Variants in SYT10 observed in about 807,000 individuals in gnomAD.
SYT10 encodes synaptotagmin 10.
SYT10 carries 31 observed loss-of-function variants against 51.1 expected under a neutral mutation model. That is an observed-to-expected ratio of 0.61 (90% CI 0.46 to 0.82). The LOEUF (loss-of-function observed/expected upper bound fraction) is 0.82, where lower values mean the gene tolerates loss of function less well. Among genes scored for constraint, SYT10 ranks in the 40% least tolerant of loss-of-function variants. The probability of loss-of-function intolerance (pLI) is 0.00; values close to 1 mark genes in which losing one functional copy is unlikely to be tolerated. For synonymous variants in SYT10, 233 were observed against 225.9 expected (o/e 1.03, Z -0.28); for missense variants, 603 against 634.0 (o/e 0.95, Z 0.53).
chr12:33,436,392 A>G (rs76431379), intron 1 of SYT10, among the ~76,000 whole-genome samples: 3,162 of 152,262 alleles, frequency 0.021, 136 homozygotes, highest in African/African-American at 0.073. Context: ...TGATATTCTA[A>G]AAAGTGCACG....
intron 1 of SYT10, among the ~76,000 whole-genome samples, chr12:33,436,080 T>C (rs1866635505): frequency 6.6e-6 from 1 of 152,296 alleles, no homozygotes; most frequent in Non-Finnish European, 1.5e-5. Context: ...TGAGCTTAAG[T>C]GGGATTGATT....
intron 1 of SYT10, among the ~76,000 whole-genome samples, chr12:33,430,882 T>C (rs1028142119): frequency 6.6e-6 from 1 of 152,170 alleles, no homozygotes; most frequent in African/African-American, 2.4e-5. Context: ...ACTATTCATC[T>C]GATATTACCA....
At chr12:33,390,167 T>G (rs1205716022) in intron 3 of SYT10, among the ~76,000 whole-genome samples, 1 of 152,194 alleles carries the variant, frequency 6.6e-6, no homozygotes, top group African/African-American at 2.4e-5. Flanking sequence ...CGGAGCCTCC[T>G]TGAAAAGACC....
At chr12:33,435,361 G>C (rs1370015843) in intron 1 of SYT10, among the ~76,000 whole-genome samples, 1 of 152,190 alleles carries the variant, frequency 6.6e-6, no homozygotes, top group Non-Finnish European at 1.5e-5. Flanking sequence ...TCTTGGCTTT[G>C]AAGATAGGTC....
chr12:33,433,912 T>C (rs1866617050), intron 1 of SYT10, among the ~76,000 whole-genome samples: 1 of 152,202 alleles, frequency 6.6e-6, no homozygotes, highest in Admixed American at 6.5e-5. Flanking sequence ...TAAGAAGCCC[T>C]GGTTTCTTAG....
At chr12:33,395,888 T>C (rs2138401609) in intron 3 of SYT10, among the ~76,000 whole-genome samples, 1 of 152,258 alleles carries the variant, frequency 6.6e-6, no homozygotes, top group South Asian at 2.1e-4. Context: ...CCTTTCTCTT[T>C]AGTATATTTC....
Position 33,406,993 on chromosome 12 carries a change from A to T in SYT10, c.873T>A (p.Thr291=). 1.2e-6 allele frequency: 2 copies of T among 1,614,172 alleles called. No homozygotes were observed. Among genetic ancestry groups the T allele is most frequent in the South Asian group, 2.2e-5 (2 of 91,082 alleles). ...KKFQTRVHRK[T]LNPLFDETFQ... is the part of the protein sequence containing the mutation. ...AAGTTTCATCAAATAGAGGATTTAA[A>T]GTCTTTCTGTGCACGCGGGTCTGAA... Residue 291 remains threonine, a synonymous_variant, in exon 3 of 7, where the codon ACT becomes ACA. Transcript: ENST00000228567.
chr12:33,424,120 CAATCTAA>C, intron 2 of SYT10: 2 of 364,278 alleles, frequency 5.5e-6, no homozygotes, highest in South Asian at 4.1e-5. Flanking sequence ...CAGATATATA[CAATCTAA>C]CTTTTATGAT....
intron 3 of SYT10, among the ~76,000 whole-genome samples, chr12:33,395,560 AAT>A (rs1866248957): frequency 6.6e-6 from 1 of 152,228 alleles, no homozygotes; most frequent in African/African-American, 2.4e-5. Context: ...CTGATAGAAT[AAT>A]AACCCAAATA....
chr12:33,424,736 A>C (rs1197202744), intron 2 of SYT10, among the ~76,000 whole-genome samples: 1 of 148,324 alleles, frequency 6.7e-6, no homozygotes, highest in South Asian at 2.1e-4. Flanking sequence ...ATAAATATAT[A>C]TAATTCAATA....
At chr12:33,382,053 T>G (rs535035451) in intron 5 of SYT10, among the ~76,000 whole-genome samples, 10 of 152,324 alleles carry the variant, frequency 6.6e-5, no homozygotes, top group African/African-American at 2.4e-4. Flanking sequence ...CTGTTGATTG[T>G]AATCTCTGTT....
chr12:33,398,348 C>T (rs1866274822), intron 3 of SYT10, among the ~76,000 whole-genome samples: 3 of 151,860 alleles, frequency 2.0e-5, no homozygotes, highest in South Asian at 4.2e-4. Flanking sequence ...CCCATCTCTA[C>T]TAAAAATACA....
At chr12:33,437,165 G>T (rs866790669) in intron 1 of SYT10, among the ~76,000 whole-genome samples, 33 of 152,138 alleles carry the variant, frequency 2.2e-4, no homozygotes, top group African/African-American at 7.0e-4. Context: ...AATGAAAAAC[G>T]TATAGCAATC....
At chr12:33,414,115 A>G (rs1305698692) in intron 2 of SYT10, among the ~76,000 whole-genome samples, 10 of 152,210 alleles carry the variant, frequency 6.6e-5, no homozygotes. Context: ...AAAGGGATCA[A>G]TTCAACAAGA....
At chr12:33,400,219 A>C (rs1483931304) in intron 3 of SYT10, among the ~76,000 whole-genome samples, 2 of 152,246 alleles carry the variant, frequency 1.3e-5, no homozygotes, top group African/African-American at 2.4e-5. Context: ...TAAATGGGAA[A>C]AATATATAGT....
At chr12:33,430,189 T>C (rs1466136091) in intron 1 of SYT10, among the ~76,000 whole-genome samples, 1 of 152,356 alleles carries the variant, frequency 6.6e-6, no homozygotes, top group South Asian at 2.1e-4. Flanking sequence ...ACTGTCTATA[T>C]GTCTGTCGGT....
At chr12:33,415,333 C>A (rs530010173) in intron 2 of SYT10, among the ~76,000 whole-genome samples, 68 of 152,154 alleles carry the variant, frequency 4.5e-4, no homozygotes, top group Admixed American at 7.9e-4. Flanking sequence ...AGTACATATG[C>A]CATAATGGTT....
At chr12:33,408,472 T>C in intron 2 of SYT10, among the ~76,000 whole-genome samples, 1 of 152,238 alleles carries the variant, frequency 6.6e-6, no homozygotes, top group South Asian at 2.1e-4. Flanking sequence ...GTCTTCTACA[T>C]GTGACTTGCA....
intron 1 of SYT10, among the ~76,000 whole-genome samples, chr12:33,433,837 C>T (rs573722630): frequency 2.0e-5 from 3 of 152,200 alleles, no homozygotes; most frequent in East Asian, 1.9e-4. Flanking sequence ...TGCCCTTCAG[C>T]GCCAAGGACG....
Sources: gnomAD v4.1 joint callset for allele counts (sites outside exome capture counted in the v4.1 genomes callset) on GRCh38, gnomAD v4.1.1 for gene constraint, MANE v1.5 for transcripts, NCBI Gene and HGNC (gene_info 2026-07-23, HGNC 2026-07-21) for gene names.